The following ATRX variants were observed in gnomAD, a reference collection of about 807,000 sequenced individuals.
The protein encoded by ATRX is ATRX chromatin remodeler.
ATRX carries 12 observed loss-of-function variants against 172.6 expected under a neutral mutation model. That is an observed-to-expected ratio of 0.07 (90% CI 0.04 to 0.11). The LOEUF is 0.11. ATRX is among the 10% of genes least tolerant of loss of function. The probability of loss-of-function intolerance (pLI) is 1.00; values close to 1 mark genes in which losing one functional copy is unlikely to be tolerated. For missense variants in ATRX, 1,368 were observed against 1,767.4 expected, an observed-to-expected ratio of 0.77 and a Z score of 4.05; for synonymous variants, 674 against 594.7, an observed-to-expected ratio of 1.13 and a Z score of -1.94.
Position 77,786,095 on chromosome X carries a change from T to C in ATRX, c.-94A>G. ...TTACGATAGAAATGCACTGGAGTCT[T>C]AGTCGTCACTGTAGCTGCTGCTGGA... On this transcript the variant is annotated 5_prime_UTR_variant, in exon 1 of 35. Transcript: ENST00000373344. 2.0e-6 allele frequency: 2 copies of C among 1,017,921 alleles called. No individual in the cohort carries two copies. Among genetic ancestry groups the C allele is most frequent in the Non-Finnish European group, 2.7e-6 (2 of 744,371 alleles). The allele number at this position is 1,017,921 out of a possible 1,213,427, so 83.9% of individuals were successfully genotyped here. A position where few individuals can be genotyped will look rare whatever the true frequency, so the allele number is the denominator to read the frequency against.
rs370693515 is a variant in ATRX, at chrX:77,681,632, T to C, written c.3624A>G (p.Ile1208Met). ...ADITSSSSSDIEDDDQNSIGE... is the reference protein window; with the variant it reads ...ADITSSSSSDMEDDDQNSIGE... ...CTATAGAATTCTGATCATCATCTTC[T>C]ATATCAGAAGAAGATGAGGATGTAA... Residue 1208 changes from isoleucine (I) to methionine (M), a missense_variant, in exon 9 of 35, where the codon ATA (isoleucine) becomes ATG (methionine). Physicochemically the swap from Ile to Met is conservative, Grantham distance 10. This residue lies in a region of ATRX where 843 missense variants were observed against 643.1 expected (regional missense o/e 1.31). Transcript: ENST00000373344. The C allele has an allele frequency of 6.7e-5, 81 of 1,206,081 alleles. No individual in the cohort carries two copies. Among genetic ancestry groups the C allele is most frequent in the Non-Finnish European group, 9.0e-5 (80 of 893,823 alleles).
intron 1 of ATRX, among the ~76,000 whole-genome samples, chrX:77,767,717 A>G (rs1233702845): frequency 9.0e-6 from 1 of 111,434 alleles, no homozygotes; most frequent in Non-Finnish European, 1.9e-5. Context: ...ATTTAAGAGT[A>G]GCTGCAAATC....
intron 9 of ATRX, among the ~76,000 whole-genome samples, chrX:77,680,356 C>G (rs1234952001): frequency 1.8e-5 from 2 of 111,090 alleles, no homozygotes; most frequent in Non-Finnish European, 3.8e-5. Flanking sequence ...ATGTGGTTTT[C>G]AAGTCAAGTC....
chrX:77,530,736 A>T (rs1364084465), intron 30 of ATRX, among the ~76,000 whole-genome samples: 1 of 111,489 alleles, frequency 9.0e-6, no homozygotes, highest in Non-Finnish European at 1.9e-5. Context: ...GCAGAAGACA[A>T]GAAACAACTA....
chrX:77,665,697 C>A (rs2070197334), intron 10 of ATRX, among the ~76,000 whole-genome samples: 1 of 111,901 alleles, frequency 8.9e-6, no homozygotes, highest in Non-Finnish European at 1.9e-5. Context: ...TTGTGCAAGA[C>A]AAGATGTTTT....
chrX:77,523,824 T>G (rs2063303464), intron 30 of ATRX, among the ~76,000 whole-genome samples: 1 of 111,740 alleles, frequency 8.9e-6, no homozygotes. Flanking sequence ...CACAATCATT[T>G]CAACTGCCAA....
chrX:77,559,722 G>A (rs2064948813), intron 28 of ATRX, among the ~76,000 whole-genome samples: 1 of 109,987 alleles, frequency 9.1e-6, no homozygotes, highest in African/African-American at 3.3e-5. Context: ...CTCCCAAAGT[G>A]CTGGGATTAC....
chrX:77,618,517 G>A (rs2067450381), intron 21 of ATRX, among the ~76,000 whole-genome samples: 1 of 111,535 alleles, frequency 9.0e-6, no homozygotes, highest in South Asian at 3.7e-4. Context: ...TTCCTCTTAA[G>A]GAACTCCCTA....
intron 27 of ATRX, among the ~76,000 whole-genome samples, chrX:77,583,016 A>G (rs2065881780): frequency 8.9e-6 from 1 of 112,161 alleles, no homozygotes; most frequent in Non-Finnish European, 1.9e-5. Context: ...CCCTGATAAC[A>G]AAACCAGATA....
At position 77,505,286 on chromosome X, in the gene ATRX, G is replaced by A. The variant is rs1370444398; in HGVS notation, c.*3065C>T. ...ATCGATCTGATTTTATGATAATGGAGGGAAAATGAACATAGCTAAGGGAAG... is the reference window on the plus strand; with the variant it reads ...ATCGATCTGATTTTATGATAATGGAAGGAAAATGAACATAGCTAAGGGAAG... On this transcript the variant is annotated 3_prime_UTR_variant, in exon 35 of 35. Transcript: ENST00000373344. The A allele has an allele frequency of 1.7e-5, 3 of 172,587 alleles. No individual in the cohort carries two copies. Among genetic ancestry groups the A allele is most frequent in the African/African-American group, 5.9e-5 (2 of 33,693 alleles). 14.2% of individuals were successfully genotyped at this position (172,587 alleles called of 1,213,427 possible). A position where few individuals can be genotyped will look rare whatever the true frequency, so the allele number is the denominator to read the frequency against.
intron 2 of ATRX, among the ~76,000 whole-genome samples, chrX:77,709,187 T>C (rs1401632958): frequency 1.4e-4 from 16 of 110,859 alleles, no homozygotes; most frequent in Admixed American, 4.8e-4. Context: ...TGAGCTATAA[T>C]TGCACCACTG....
At chrX:77,555,024 C>T (rs1378820717) in intron 30 of ATRX, among the ~76,000 whole-genome samples, 1 of 111,944 alleles carries the variant, frequency 8.9e-6, no homozygotes, top group Non-Finnish European at 1.9e-5. Context: ...GGGGCTCTGA[C>T]TGAAATGGGA....
chrX:77,577,375 G>C (rs1431200958), intron 27 of ATRX, among the ~76,000 whole-genome samples: 7 of 111,133 alleles, frequency 6.3e-5, no homozygotes, highest in African/African-American at 2.3e-4. Flanking sequence ...AGTGATGCTA[G>C]ACATCTTTTC....
In ATRX at chrX:77,550,800, A is replaced by G. The variant is rs191052486; in HGVS notation, c.6699+6651T>C. On this transcript the variant is annotated intron_variant, in intron 30 of 34. Transcript: ENST00000373344. Reference sequence around the variant, plus strand: ...TACAAAATCAATGTGCAAAAATCACAAGCATTCCTATACACTAATAAGAGA... The same window carrying G: ...TACAAAATCAATGTGCAAAAATCACGAGCATTCCTATACACTAATAAGAGA... Among the ~76,000 whole-genome samples the G allele has an allele frequency of 1.4e-4, 16 of 111,830 alleles. No homozygotes were observed. In the Admixed American group the frequency reaches 1.5e-3, roughly 11 times the overall value.
chrX:77,768,815 T>C (rs1286914528), intron 1 of ATRX, among the ~76,000 whole-genome samples: 1 of 112,105 alleles, frequency 8.9e-6, no homozygotes, highest in Non-Finnish European at 1.9e-5. Context: ...GTCAACAGTG[T>C]CCCTTTGAGA....
intron 1 of ATRX, among the ~76,000 whole-genome samples, chrX:77,761,764 TACGTGATTCCA>T (rs1383293841): frequency 1.8e-5 from 2 of 111,378 alleles, no homozygotes; most frequent in African/African-American, 6.5e-5. Flanking sequence ...CTAGTCATCC[TACGTGATTCCA>T]ACTTGGTAAC....
In ATRX at chrX:77,682,179, C is replaced by G. The variant is rs2148582104; in HGVS notation, c.3077G>C (p.Cys1026Ser). The change falls in exon 9 of 35, where the codon TGT (cysteine) becomes TCT (serine). Residue 1026 changes from cysteine to serine, a missense_variant. Coordinates refer to ENST00000373344, the MANE Select transcript of ATRX (RefSeq NM_000489.6). ...TEKLPEREEI[C>S]HFPKGIKQIK... ...TTGTTTTATGCCCTTAGGAAAATGA[C>G]AAATTTCTTCTCGCTCAGGTAACTT... 1 of 1,211,031 alleles carries G rather than the reference C, an allele frequency of 8.3e-7. No individual in the cohort carries two copies. The highest frequency in any genetic ancestry group is 1.1e-6 in the Non-Finnish European group (1 of 895,140).
At position 77,609,330 on chromosome X, in the gene ATRX, C is replaced by A. The variant is rs140039121; in HGVS notation, c.5566+7283G>T. ...ATAACAGCCAAGATTTGGAAGCAAC[C>A]CAAAGTTTATCAACAGATGAATGAA... On this transcript the variant is annotated intron_variant, in intron 22 of 34. Transcript: ENST00000373344. Among the ~76,000 whole-genome samples the A allele has an allele frequency of 8.1e-3, 907 of 111,382 alleles. 15 individuals are homozygous for A. Among genetic ancestry groups the A allele is most frequent in the African/African-American group, 0.028 (871 of 30,584 alleles).
In ATRX at chrX:77,664,700, T is replaced by C. The variant is rs139540415; in HGVS notation, c.3888A>G (p.Pro1296=). The C allele has an allele frequency of 6.6e-6, 8 of 1,208,895 alleles. No individual in the cohort carries two copies. The African/African-American group carries it at 1.0e-4, about 16-fold the overall frequency. Residue 1296 remains proline, a synonymous_variant, in exon 11 of 35, where the codon CCA becomes CCG. Transcript: ENST00000373344. ...SDEDGSSDDE[P]EEGKKRTGKQ... ...TTCCAGTTCTTTTTTTCCCTTCTTC[T>C]GGCTCATCATCTGAAGATCCATCCT...
Sources: gnomAD v4.1 joint callset for allele counts (sites outside exome capture counted in the v4.1 genomes callset) on GRCh38, gnomAD v4.1.1 for gene constraint, gnomAD v4.1.1 regional missense constraint, MANE v1.5 for transcripts, NCBI Gene and HGNC (gene_info 2026-07-23, HGNC 2026-07-21) for gene names.